The following CDH13 variants were observed in gnomAD, a reference collection of about 807,000 sequenced individuals.
CDH13 encodes cadherin-13.
CDH13 carries 24 observed loss-of-function variants against 63.8 expected under a neutral mutation model. That is an observed-to-expected ratio of 0.38 (90% CI 0.27 to 0.53). The LOEUF (loss-of-function observed/expected upper bound fraction) is 0.53. Ranked by LOEUF, CDH13 falls within the 20% of genes least tolerant of loss-of-function variation. CDH13 has a pLI of 0.85. For synonymous variants in CDH13, 503 were observed against 355.3 expected, an observed-to-expected ratio of 1.42 and a Z score of -4.67; for missense variants, 1,049 against 903.1, an observed-to-expected ratio of 1.16 and a Z score of -2.07.
At chr16:83,011,154 G>A (rs1914113302) in intron 2 of CDH13, among the ~76,000 whole-genome samples, 1 of 152,158 alleles carries the variant, frequency 6.6e-6, no homozygotes, top group Admixed American at 6.5e-5. Context: ...AGTAAGGGGT[G>A]TGAGCTTCGA....
chr16:83,350,192 C>G (rs2090923482), intron 6 of CDH13, among the ~76,000 whole-genome samples: 1 of 152,174 alleles, frequency 6.6e-6, no homozygotes, highest in Admixed American at 6.5e-5. Context: ...CCAACAACAT[C>G]AGGAGCTGGC....
At chr16:82,682,021 G>T (rs890367939) in intron 1 of CDH13, among the ~76,000 whole-genome samples, 5 of 152,150 alleles carry the variant, frequency 3.3e-5, no homozygotes, top group African/African-American at 4.8e-5. Context: ...ATCAGGTGGG[G>T]CTCTCAAGCC....
intron 1 of CDH13, among the ~76,000 whole-genome samples, chr16:82,705,632 A>G (rs1454175163): frequency 2.0e-5 from 3 of 152,074 alleles, no homozygotes; most frequent in African/African-American, 7.2e-5. Context: ...ACATTTCACC[A>G]CACACGCCTG....
intron 13 of CDH13, among the ~76,000 whole-genome samples, chr16:83,789,038 T>C (rs1205346682): frequency 1.3e-5 from 2 of 152,250 alleles, no homozygotes; most frequent in Non-Finnish European, 2.9e-5. Context: ...ATGTTAGAGA[T>C]GCCTGCCAAA....
At chr16:83,004,644 C>T (rs2151427569) in intron 2 of CDH13, among the ~76,000 whole-genome samples, 1 of 152,134 alleles carries the variant, frequency 6.6e-6, no homozygotes, top group East Asian at 1.9e-4. Flanking sequence ...ACTACAGGTG[C>T]CCGCCACCAC....
At chr16:82,815,323 C>T (rs1180246144) in intron 1 of CDH13, among the ~76,000 whole-genome samples, 4 of 152,114 alleles carry the variant, frequency 2.6e-5, no homozygotes, top group African/African-American at 9.7e-5. Context: ...AGTCGACTTG[C>T]CTCTCACTCT....
At chr16:83,080,053 A>G (rs1268201139) in intron 3 of CDH13, among the ~76,000 whole-genome samples, 1 of 152,216 alleles carries the variant, frequency 6.6e-6, no homozygotes, top group Admixed American at 6.5e-5. Flanking sequence ...GAAGTGCCTC[A>G]TCAAATTTAT....
chr16:83,698,550 T>G (rs1239159544), intron 10 of CDH13, among the ~76,000 whole-genome samples: 2 of 152,186 alleles, frequency 1.3e-5, no homozygotes, highest in Non-Finnish European at 2.9e-5. Flanking sequence ...GTTTTGTGCT[T>G]CCTCCTGGGC....
intron 2 of CDH13, among the ~76,000 whole-genome samples, chr16:82,999,782 A>G (rs989604217): frequency 2.6e-5 from 4 of 152,140 alleles, no homozygotes; most frequent in African/African-American, 9.7e-5. Context: ...ACGTTTCCAT[A>G]TATCTCTGTC....
At position 82,788,074 on chromosome 16, in the gene CDH13, C is replaced by G. The variant is rs143614377; in HGVS notation, c.46-70288C>G. ...CCTGTTGGAATAATAAGTCAGTGCT[C>G]TCTGGAGGCTATAACCAAATATAAT... On this transcript the variant is annotated intron_variant, in intron 1 of 13. Transcript: ENST00000567109. Among the ~76,000 whole-genome samples the G allele has an allele frequency of 1.3e-3, 202 of 152,224 alleles. 1 individual carries two copies. Among genetic ancestry groups the G allele is most frequent in the African/African-American group, 4.5e-3 (188 of 41,538 alleles).
intron 7 of CDH13, among the ~76,000 whole-genome samples, chr16:83,533,930 A>G (rs747542552): frequency 4.6e-5 from 7 of 152,172 alleles, no homozygotes; most frequent in Non-Finnish European, 1.0e-4. Flanking sequence ...ACGTTAATCT[A>G]TTTTAAAAAT....
chr16:83,551,641 T>A (rs983986499), intron 7 of CDH13, among the ~76,000 whole-genome samples: 3 of 152,222 alleles, frequency 2.0e-5, no homozygotes, highest in African/African-American at 7.2e-5. Context: ...TTTTTTTTCC[T>A]AGCAAAACAC....
chr16:83,630,246 T>C (rs1696077115), intron 8 of CDH13, among the ~76,000 whole-genome samples: 1 of 152,200 alleles, frequency 6.6e-6, no homozygotes, highest in South Asian at 2.1e-4. Flanking sequence ...TAATAAAGGT[T>C]AAATAAAGTG....
At chr16:83,668,791 C>T (rs1914236276) in intron 8 of CDH13, among the ~76,000 whole-genome samples, 1 of 152,192 alleles carries the variant, frequency 6.6e-6, no homozygotes, top group Non-Finnish European at 1.5e-5. Flanking sequence ...CAATCATCTT[C>T]ATCTGTAATA....
At chr16:83,522,547 A>G (rs765575579) in intron 7 of CDH13, among the ~76,000 whole-genome samples, 16 of 152,220 alleles carry the variant, frequency 1.1e-4, no homozygotes, top group Non-Finnish European at 2.2e-4. Context: ...GAGTTACAGG[A>G]AAACAAAAAT....
Position 83,670,910 on chromosome 16 carries a change from G to C in CDH13, c.1222G>C (p.Gly408Arg), listed in dbSNP as rs751528576. Residue 408 changes from glycine to arginine, a missense_variant, in exon 9 of 14, where the codon GGG becomes CGG. By Grantham distance (125) the Gly-to-Arg change is moderately radical. Transcript: ENST00000567109. ...AAYTIINGNPGQSFEIHTNPQ... is the reference protein window; with the variant it reads ...AAYTIINGNPRQSFEIHTNPQ... ...CTACACCATCATCAACGGAAACCCC[G>C]GGCAGAGCTTTGAAATCCACACCAA... The C allele has an allele frequency of 3.7e-6, 6 of 1,612,688 alleles. No homozygotes were observed. In the African/African-American group the frequency reaches 6.7e-5, roughly 18 times the overall value.
chr16:83,594,378 G>A (rs913550144), intron 7 of CDH13, among the ~76,000 whole-genome samples: 1 of 152,114 alleles, frequency 6.6e-6, no homozygotes, highest in Non-Finnish European at 1.5e-5. Context: ...AACTTGGCTG[G>A]GATCACTCAG....
chr16:83,279,500 C>G (rs776873131), intron 5 of CDH13, among the ~76,000 whole-genome samples: 1 of 152,168 alleles, frequency 6.6e-6, no homozygotes, highest in Non-Finnish European at 1.5e-5. Flanking sequence ...CTGCACATAT[C>G]TGCCGCATTC....
chr16:82,631,453 C>A (rs112955615), intron 1 of CDH13, among the ~76,000 whole-genome samples: 255 of 152,346 alleles, frequency 1.7e-3, no homozygotes, highest in African/African-American at 5.7e-3. Context: ...CCCCTGTCAT[C>A]CAATTACAAT....
Sources: allele counts gnomAD v4.1 joint callset (sites outside exome capture counted in the v4.1 genomes callset), GRCh38; gene constraint gnomAD v4.1.1; transcripts MANE v1.5; gene names NCBI Gene and HGNC (gene_info 2026-07-23, HGNC 2026-07-21).